Variants in RRAS2 observed in about 807,000 individuals in gnomAD.
RRAS2 encodes the protein RAS related 2.
In RRAS2, 7 loss-of-function variants were observed where a neutral mutation model predicts 27.6. That is an observed-to-expected ratio of 0.25 (90% CI 0.14 to 0.48). The LOEUF is 0.48. RRAS2 is among the 20% of genes least tolerant of loss of function. The pLI is 0.99. For synonymous variants in RRAS2, 86 were observed against 90.9 expected (o/e 0.95, Z 0.31); for missense variants, 178 against 256.2 (o/e 0.69, Z 2.08).
intron 5 of RRAS2, among the ~76,000 whole-genome samples, chr11:14,280,733 A>C (rs1849508573): frequency 3.0e-5 from 1 of 33,796 alleles, no homozygotes; most frequent in Non-Finnish European, 1.1e-4. Context: ...TTCCAAAAAA[A>C]AAAAAAAAAA....
intron 4 of RRAS2, among the ~76,000 whole-genome samples, chr11:14,291,841 T>C (rs1847403017): frequency 6.6e-6 from 1 of 152,198 alleles, no homozygotes; most frequent in Non-Finnish European, 1.5e-5. Context: ...CCAAAATGCA[T>C]GGGACCAGAA....
At chr11:14,328,588 T>C (rs1848417070) in intron 1 of RRAS2, among the ~76,000 whole-genome samples, 2 of 151,718 alleles carry the variant, frequency 1.3e-5, no homozygotes, top group Admixed American at 1.3e-4. Flanking sequence ...AAAACAGCTA[T>C]AGTATGTAAA....
At chr11:14,339,431 A>G (rs529980730) in intron 1 of RRAS2, among the ~76,000 whole-genome samples, 4 of 152,054 alleles carry the variant, frequency 2.6e-5, no homozygotes, top group African/African-American at 7.2e-5. Context: ...CAGTCATTCT[A>G]TTTTATAAAA....
intron 4 of RRAS2, among the ~76,000 whole-genome samples, chr11:14,286,574 G>A (rs1554945060): frequency 1.3e-5 from 2 of 152,120 alleles, no homozygotes; most frequent in Non-Finnish European, 2.9e-5. Context: ...CCTTCTAAAC[G>A]TTTTAGGTAA....
intron 3 of RRAS2, 77 bp from the exon 4 acceptor site, chr11:14,294,656 A>G: frequency 1.4e-6 from 2 of 1,450,522 alleles, no homozygotes; most frequent in Non-Finnish European, 1.9e-6. Context: ...TGCCCCAATT[A>G]GTACTTTATT....
At chr11:14,326,222 A>G (rs994315695) in intron 1 of RRAS2, among the ~76,000 whole-genome samples, 1 of 152,208 alleles carries the variant, frequency 6.6e-6, no homozygotes, top group East Asian at 1.9e-4. Context: ...ACCTAATGCT[A>G]TATTTATTTT....
At chr11:14,323,841 T>C (rs1421878311) in intron 1 of RRAS2, among the ~76,000 whole-genome samples, 3 of 152,124 alleles carry the variant, frequency 2.0e-5, no homozygotes, top group African/African-American at 4.8e-5. Flanking sequence ...ATATACATTA[T>C]GACCAATATG....
chr11:14,345,019 A>C, intron 1 of RRAS2, among the ~76,000 whole-genome samples: 2 of 114,438 alleles, frequency 1.7e-5, no homozygotes, highest in African/African-American at 3.5e-5. Flanking sequence ...AGACAGTCTC[A>C]CTCTGTCACC....
chr11:14,320,178 G>A lies in RRAS2; in HGVS notation c.109-24323C>T, dbSNP rs183594381. Among the ~76,000 whole-genome samples the A allele has an allele frequency of 2.0e-3, 309 of 152,188 alleles. 1 individual carries two copies. The highest frequency in any genetic ancestry group is 1.4e-3 in the Non-Finnish European group (94 of 68,016). ...CCTCCTGCTATTTCCTTTGCAGTGA[G>A]TCTGCAAAGTTCTAATGCACGGTGC... On this transcript the variant is annotated intron_variant, in intron 1 of 5. Coordinates refer to ENST00000256196, the MANE Select transcript of RRAS2 (RefSeq NM_012250.6).
chr11:14,297,820 C>T (rs1847594957), intron 1 of RRAS2, among the ~76,000 whole-genome samples: 1 of 151,904 alleles, frequency 6.6e-6, no homozygotes, highest in African/African-American at 2.4e-5. Context: ...CACAGAATTC[C>T]ATATCTATAA....
intron 1 of RRAS2, among the ~76,000 whole-genome samples, chr11:14,299,899 T>C (rs1035480579): frequency 6.6e-6 from 1 of 152,216 alleles, no homozygotes; most frequent in Admixed American, 6.5e-5. Flanking sequence ...ACTACAGTTA[T>C]GTACAGAACT....
chr11:14,316,598 C>T (rs560856929), intron 1 of RRAS2, among the ~76,000 whole-genome samples: 18 of 152,216 alleles, frequency 1.2e-4, no homozygotes, highest in African/African-American at 4.1e-4. Context: ...ATAAATAAAG[C>T]CAGGCACGGT....
chr11:14,294,643 T>G, intron 3 of RRAS2, 64 bp from the exon 4 acceptor site: 1 of 1,463,928 alleles, frequency 6.8e-7, no homozygotes, highest in Non-Finnish European at 9.4e-7. Context: ...TCAGCAAGTC[T>G]CATGCCCCAA....
intron 1 of RRAS2, among the ~76,000 whole-genome samples, chr11:14,323,430 C>T (rs1395448004): frequency 6.6e-6 from 1 of 151,714 alleles, no homozygotes; most frequent in Non-Finnish European, 1.5e-5. Context: ...TGCACTCCGA[C>T]CTGGGTGACA....
In RRAS2 at chr11:14,359,022, G is replaced by A; in HGVS notation, c.-152C>T. On this transcript the variant is annotated 5_prime_UTR_variant, in exon 1 of 6. Coordinates refer to ENST00000256196, the MANE Select transcript of RRAS2 (RefSeq NM_012250.6). ...GGAGGCGTCTGGAGGGCCGGTCAGC[G>A]CGGTAGCGCGGCGCTGGGGACTGGC... is the stretch of plus-strand genomic sequence containing the variant. 1 of 1,129,770 alleles carries A rather than the reference G, an allele frequency of 8.9e-7. No individual in the cohort carries two copies. The highest frequency in any genetic ancestry group is 1.1e-6 in the Non-Finnish European group (1 of 923,386). 70.0% of individuals were successfully genotyped at this position (1,129,770 alleles called of 1,614,324 possible). A position where few individuals can be genotyped will look rare whatever the true frequency, so the allele number is the denominator to read the frequency against.
chr11:14,351,827 G>A (rs192788121), intron 1 of RRAS2, among the ~76,000 whole-genome samples: 10 of 151,360 alleles, frequency 6.6e-5, no homozygotes, highest in Non-Finnish European at 1.3e-4. Context: ...CCCAGGAGGC[G>A]GAGGTTGCAA....
chr11:14,337,726 T>TG (rs1487131332), intron 1 of RRAS2, among the ~76,000 whole-genome samples: 8 of 152,188 alleles, frequency 5.3e-5, no homozygotes, highest in South Asian at 2.1e-4. Context: ...TTCAGGCATC[T>TG]GCGGGGGTTG....
intron 1 of RRAS2, among the ~76,000 whole-genome samples, chr11:14,307,255 G>A (rs540344971): frequency 1.3e-5 from 2 of 150,598 alleles, no homozygotes; most frequent in African/African-American, 4.9e-5. Context: ...AGCAGAAAAA[G>A]GAAGAGGGAA....
At chr11:14,315,547 A>G (rs954533243) in intron 1 of RRAS2, among the ~76,000 whole-genome samples, 5 of 152,228 alleles carry the variant, frequency 3.3e-5, no homozygotes, top group African/African-American at 1.2e-4. Flanking sequence ...AAAGGACATT[A>G]GGTAAAAACT....
Sources: gnomAD v4.1 joint callset for allele counts (sites outside exome capture counted in the v4.1 genomes callset) on GRCh38, gnomAD v4.1.1 for gene constraint, MANE v1.5 for transcripts, NCBI Gene and HGNC (gene_info 2026-07-23, HGNC 2026-07-21) for gene names.